The following CACNA1A variants were observed in gnomAD, a reference collection of about 807,000 sequenced individuals.
The protein encoded by CACNA1A is calcium voltage-gated channel subunit alpha1 A.
Under a neutral mutation model 262.4 loss-of-function variants are expected in CACNA1A, and 57 were observed. The observed-to-expected ratio is 0.22, with a 90% confidence interval of 0.18 to 0.27. The LOEUF is 0.27. CACNA1A is among the 10% of genes least tolerant of loss of function. The pLI is 1.00. For missense variants in CACNA1A, 2,526 were observed against 3,562.8 expected, an observed-to-expected ratio of 0.71 and a Z score of 7.41; for synonymous variants, 1,431 against 1,419.3, an observed-to-expected ratio of 1.01 and a Z score of -0.18.
At chr19:13,275,607 G>C in intron 24 of CACNA1A, 1 of 541,880 alleles carries the variant, frequency 1.8e-6, no homozygotes, top group Non-Finnish European at 3.4e-6. Context: ...TGTGGCTGAG[G>C]CCCGTTGCTG....
intron 11 of CACNA1A, 102 bp from the exon 12 acceptor site, chr19:13,312,883 A>G (rs2058060284): frequency 7.0e-6 from 4 of 574,092 alleles, no homozygotes; most frequent in Non-Finnish European, 8.9e-6. Flanking sequence ...TAAACTTTTT[A>G]TTTTTTGTAG....
At chr19:13,239,623 G>A (rs62111967) in intron 31 of CACNA1A, among the ~76,000 whole-genome samples, 25,971 of 152,132 alleles carry the variant, frequency 0.17, 3,065 homozygotes, top group East Asian at 0.66. Flanking sequence ...CCATTGGGGC[G>A]TCCCTCTAAG....
intron 3 of CACNA1A, among the ~76,000 whole-genome samples, chr19:13,399,106 T>C (rs75123956): frequency 0.015 from 2,252 of 152,236 alleles, 48 homozygotes; most frequent in South Asian, 0.086. Context: ...GGGAGCCCCA[T>C]TGAGACCTGG....
chr19:13,342,819 GT>G (rs1280685017), intron 6 of CACNA1A, among the ~76,000 whole-genome samples: 1 of 152,230 alleles, frequency 6.6e-6, no homozygotes, highest in Non-Finnish European at 1.5e-5. Context: ...CACTGGACAT[GT>G]AGCATGAGCA....
chr19:13,372,296 G>T (rs985940537), intron 3 of CACNA1A, among the ~76,000 whole-genome samples: 1 of 152,116 alleles, frequency 6.6e-6, no homozygotes, highest in Non-Finnish European at 1.5e-5. Context: ...AGCCTCCCGA[G>T]TAGCTGGGAT....
At chr19:13,311,845 A>C (rs7260344) in intron 12 of CACNA1A, among the ~76,000 whole-genome samples, 34,345 of 152,014 alleles carry the variant, frequency 0.23, 4,309 homozygotes, top group East Asian at 0.48. Flanking sequence ...TCAAAAACAA[A>C]AAATAAAAAC....
At chr19:13,377,706 A>C in intron 3 of CACNA1A, among the ~76,000 whole-genome samples, 1 of 152,106 alleles carries the variant, frequency 6.6e-6, no homozygotes, top group Non-Finnish European at 1.5e-5. Flanking sequence ...GTAATTCTCT[A>C]TTTCAAGTCT....
chr19:13,379,304 AT>A (rs971936593), intron 3 of CACNA1A, among the ~76,000 whole-genome samples: 12 of 151,218 alleles, frequency 7.9e-5, no homozygotes, highest in East Asian at 5.8e-4. Flanking sequence ...AGGTATGTAC[AT>A]TTTTTTTTAG....
intron 1 of CACNA1A, among the ~76,000 whole-genome samples, chr19:13,495,896 G>C (rs1981445589): frequency 6.6e-6 from 1 of 151,516 alleles, no homozygotes; most frequent in Non-Finnish European, 1.5e-5. Context: ...CATCCATCCA[G>C]TCATCCATTC....
intron 9 of CACNA1A, among the ~76,000 whole-genome samples, chr19:13,331,341 A>G (rs1397394110): frequency 6.6e-6 from 1 of 151,896 alleles, no homozygotes; most frequent in East Asian, 1.9e-4. Context: ...GGTTCAAGCA[A>G]TTCTCGTAGT....
chr19:13,371,644 G>C (rs1183604226), intron 4 of CACNA1A, 44 bp downstream of exon 4: 2 of 1,418,838 alleles, frequency 1.4e-6, no homozygotes, highest in Non-Finnish European at 1.9e-6. Context: ...AGGGCTCCTG[G>C]GGCCCGTGAG....
At chr19:13,210,761 A>C (rs1311720150) in intron 43 of CACNA1A, 109 bp from the exon 44 acceptor site, 15 of 1,113,218 alleles carry the variant, frequency 1.3e-5, no homozygotes, top group Non-Finnish European at 1.9e-5. Flanking sequence ...GAAGCCAAGG[A>C]GGGGAGTGGC....
intron 31 of CACNA1A, among the ~76,000 whole-genome samples, chr19:13,238,070 G>A (rs1298578608): frequency 6.6e-6 from 1 of 152,210 alleles, no homozygotes. Context: ...GGAGACACAT[G>A]AGGCAGGTAG....
chr19:13,482,267 C>A (rs1200047554), intron 1 of CACNA1A, among the ~76,000 whole-genome samples: 1 of 151,934 alleles, frequency 6.6e-6, no homozygotes, highest in Non-Finnish European at 1.5e-5. Flanking sequence ...GGGCGGATCA[C>A]GAGGTCAGGA....
chr19:13,363,852 A>G (rs149184779), intron 5 of CACNA1A: 17 of 152,376 alleles, frequency 1.1e-4, no homozygotes, highest in African/African-American at 4.1e-4. Context: ...CTGCACCCAG[A>G]TGGCCAGTGG....
At chr19:13,433,697 T>C (rs919007766) in intron 3 of CACNA1A, among the ~76,000 whole-genome samples, 1 of 151,938 alleles carries the variant, frequency 6.6e-6, no homozygotes, top group Admixed American at 6.6e-5. Flanking sequence ...AATGGGAGAA[T>C]TCTTGCAAAG....
chr19:13,499,606 C>T (rs570975974), intron 1 of CACNA1A, among the ~76,000 whole-genome samples: 2 of 152,116 alleles, frequency 1.3e-5, no homozygotes, highest in African/African-American at 2.4e-5. Context: ...CCATTTTTCA[C>T]GCACGACCCC....
chr19:13,229,636 T>C (rs565654197), intron 36 of CACNA1A: 11 of 155,020 alleles, frequency 7.1e-5, no homozygotes, highest in African/African-American at 2.2e-4. Flanking sequence ...CAGTGGGAGC[T>C]GAGTTCTGCT....
intron 6 of CACNA1A, among the ~76,000 whole-genome samples, chr19:13,346,046 G>A (rs568639693): frequency 2.6e-5 from 4 of 152,004 alleles, no homozygotes; most frequent in African/African-American, 4.8e-5. Flanking sequence ...GAGTACACGC[G>A]TGCATGACCA....
Sources: allele counts gnomAD v4.1 joint callset (sites outside exome capture counted in the v4.1 genomes callset), GRCh38; gene constraint gnomAD v4.1.1; transcripts MANE v1.5; gene names NCBI Gene and HGNC (gene_info 2026-07-23, HGNC 2026-07-21).